Variants in PRPF18 observed in about 807,000 individuals in gnomAD.
PRPF18 encodes pre-mRNA-splicing factor 18.
A neutral mutation model predicts 46.5 loss-of-function variants in PRPF18; 38 were observed. The observed-to-expected ratio is 0.82, with a 90% confidence interval of 0.63 to 1.07. PRPF18 has a LOEUF of 1.07. Ranked by LOEUF, PRPF18 falls within the 50% of genes least tolerant of loss-of-function variation. The pLI, the probability that PRPF18 is intolerant of heterozygous loss-of-function variation, is 0.00. For missense variants in PRPF18, 263 were observed against 410.0 expected, an observed-to-expected ratio of 0.64 and a Z score of 3.10; for synonymous variants, 152 against 146.7, an observed-to-expected ratio of 1.04 and a Z score of -0.26.
At chr10:13,611,187 CTTTTTT>C (rs35441441) in intron 5 of PRPF18, among the ~76,000 whole-genome samples, 1 of 120,988 alleles carries the variant, frequency 8.3e-6, no homozygotes, top group Non-Finnish European at 1.7e-5. Context: ...CAGTTGTGGG[CTTTTTT>C]TTTTTTTTTT....
At chr10:13,618,615 CAAAAAAA>C (rs68069523) in intron 9 of PRPF18, among the ~76,000 whole-genome samples, 1,159 of 39,956 alleles carry the variant, frequency 0.029, 15 homozygotes, top group African/African-American at 0.092. Flanking sequence ...AAGACCCTGT[CAAAAAAA>C]AAAAAAAAAA....
chr10:13,590,142 T>C (rs989863604), intron 1 of PRPF18, among the ~76,000 whole-genome samples: 2 of 152,002 alleles, frequency 1.3e-5, no homozygotes, highest in Non-Finnish European at 2.9e-5. Flanking sequence ...CTTTAGATTC[T>C]TCAGGGTCAT....
In PRPF18 at chr10:13,610,075, A is replaced by G; in HGVS notation, c.400A>G (p.Ile134Val). Residue 134 changes from isoleucine to valine, a missense_variant, in exon 5 of 10, where the codon ATT becomes GTT. By Grantham distance (29) the Ile-to-Val change is conservative (BLOSUM62 3). This residue lies in a region of PRPF18 where 155 missense variants were observed against 245.1 expected (regional missense o/e 0.63). Coordinates refer to ENST00000378572, the MANE Select transcript of PRPF18 (RefSeq NM_003675.4). ...RNDLKAALDKIDQQYLNEIVG... is the reference protein window; with the variant it reads ...RNDLKAALDKVDQQYLNEIVG... ...TGATTTGAAAGCAGCCTTGGATAAG[A>G]TTGATCAGCAGTACCTCAATGAAAT... 4 of 1,613,720 alleles carry G rather than the reference A, an allele frequency of 2.5e-6. No individual in the cohort carries two copies. The highest frequency in any genetic ancestry group is 3.4e-6 in the Non-Finnish European group (4 of 1,179,616).
chr10:13,607,840 AC>A (rs2080212291), intron 4 of PRPF18, among the ~76,000 whole-genome samples: 1 of 152,160 alleles, frequency 6.6e-6, no homozygotes. Context: ...TTTTTGCTTT[AC>A]ATTTAAGGCT....
At chr10:13,638,469 G>T in the PRPF18 span, among the ~76,000 whole-genome samples, 1 of 152,020 alleles carries the variant, frequency 6.6e-6, no homozygotes, top group Non-Finnish European at 1.5e-5. Context: ...AACAGTTATG[G>T]AGGCTAAGTC....
At chr10:13,591,849 T>A in intron 1 of PRPF18, 1 of 1,429,976 alleles carries the variant, frequency 7.0e-7, no homozygotes, top group Non-Finnish European at 9.4e-7. Flanking sequence ...CCCTCTTGCC[T>A]CTGTGGAATC....
chr10:13,650,524 T>C, the PRPF18 span, among the ~76,000 whole-genome samples: 7,342 of 152,224 alleles, frequency 0.048, 498 homozygotes, highest in African/African-American at 0.15. Context: ...GTCAGCCCTA[T>C]CTCCATCACC....
At chr10:13,591,291 CTT>C (rs34375368) in intron 1 of PRPF18, among the ~76,000 whole-genome samples, 1 of 152,184 alleles carries the variant, frequency 6.6e-6, no homozygotes, top group Non-Finnish European at 1.5e-5. Context: ...AACTTACAGA[CTT>C]TTTCACTGCC....
the PRPF18 span, chr10:13,642,983 C>G: frequency 1.4e-4 from 22 of 152,292 alleles, no homozygotes; most frequent in African/African-American, 5.1e-4. Flanking sequence ...GGCCAGACTT[C>G]CAGTTTTGCT....
chr10:13,615,055 C>T (rs1241338757), intron 8 of PRPF18, among the ~76,000 whole-genome samples: 1 of 152,204 alleles, frequency 6.6e-6, no homozygotes, highest in Non-Finnish European at 1.5e-5. Context: ...TGATTTTACT[C>T]CTTTTAAGAG....
chr10:13,644,577 T>C, the PRPF18 span: 2 of 152,216 alleles, frequency 1.3e-5, no homozygotes, highest in African/African-American at 2.4e-5. Flanking sequence ...TTGCCTCTCA[T>C]TCCTTGCAAC....
intron 1 of PRPF18, among the ~76,000 whole-genome samples, chr10:13,587,549 C>G (rs986932422): frequency 6.6e-6 from 1 of 152,264 alleles, no homozygotes; most frequent in Non-Finnish European, 1.5e-5. Flanking sequence ...CTTTCCACCA[C>G]CTCTCAGATG....
chr10:13,628,354 C>A (rs966849021), intron 9 of PRPF18, among the ~76,000 whole-genome samples: 3 of 152,142 alleles, frequency 2.0e-5, no homozygotes, highest in African/African-American at 7.2e-5. Context: ...TTAATATCCT[C>A]AGGGATTGGT....
chr10:13,636,480 G>C, the PRPF18 span, among the ~76,000 whole-genome samples: 3 of 152,132 alleles, frequency 2.0e-5, no homozygotes, highest in Non-Finnish European at 4.4e-5. Flanking sequence ...GTTGCAAGGA[G>C]TCTAGTGTTA....
chr10:13,631,142 C>T (rs1031869745), downstream of PRPF18: 1 of 152,272 alleles, frequency 6.6e-6, no homozygotes, highest in Admixed American at 6.5e-5. Context: ...CAGCCACACC[C>T]GCCAACAGAG....
At chr10:13,646,240 T>C in the PRPF18 span, 1 of 152,654 alleles carries the variant, frequency 6.6e-6, no homozygotes, top group South Asian at 2.1e-4. Context: ...CTTTCACTTG[T>C]GTGTAGTAGC....
chr10:13,594,009 A>G (rs754740355), intron 1 of PRPF18, among the ~76,000 whole-genome samples: 1 of 152,230 alleles, frequency 6.6e-6, no homozygotes, highest in African/African-American at 2.4e-5. Flanking sequence ...TGCTATAGGC[A>G]TGGAGAACGC....
the PRPF18 span, chr10:13,636,923 C>T: frequency 1.2e-4 from 19 of 152,322 alleles, no homozygotes; most frequent in East Asian, 3.9e-4. Context: ...AAAAGAACCC[C>T]GTTTGCCTGT....
chr10:13,634,742 G>A (rs537258091), downstream of PRPF18, among the ~76,000 whole-genome samples: 56 of 152,326 alleles, frequency 3.7e-4, no homozygotes, highest in Non-Finnish European at 6.6e-4. Flanking sequence ...GTCACTGGCC[G>A]TACCATGTGC....
Sources: allele counts gnomAD v4.1 joint callset (sites outside exome capture counted in the v4.1 genomes callset), GRCh38; gene constraint gnomAD v4.1.1; regional missense constraint gnomAD v4.1.1; transcripts MANE v1.5; gene names NCBI Gene and HGNC (gene_info 2026-07-23, HGNC 2026-07-21).